DHRSX: variants seen among roughly 807,000 people sequenced by gnomAD.
DHRSX encodes polyprenol dehydrogenase.
Under a neutral mutation model 34.0 loss-of-function variants are expected in DHRSX, and 31 were observed. The observed-to-expected ratio is 0.91, with a 90% confidence interval of 0.69 to 1.23. DHRSX has a LOEUF of 1.23. Among genes scored for constraint, DHRSX ranks in the 50% most tolerant of loss-of-function variants. The probability of loss-of-function intolerance (pLI) is 0.00; values close to 1 mark genes in which losing one functional copy is unlikely to be tolerated. For missense variants in DHRSX, 414 were observed against 428.1 expected, an observed-to-expected ratio of 0.97 and a Z score of 0.29; for synonymous variants, 201 against 183.8, an observed-to-expected ratio of 1.09 and a Z score of -0.76.
rs183822727 is a variant in DHRSX, at chrX:2,498,907, C to G, written c.109+1910G>C. The stretch of plus-strand genomic sequence containing the variant: ...ACATGCTCTCCTGCCCTCCGAAAGC[C>G]TGACTACAGTTCCCTTTACTCTCCT... On this transcript the variant is annotated intron_variant, in intron 1 of 6. Transcript: ENST00000334651. 3.3e-3 allele frequency among the ~76,000 whole-genome samples: 505 copies of G among 152,304 alleles called. 13 individuals are homozygous for G. The highest frequency in any genetic ancestry group is 6.0e-4 in the Non-Finnish European group (41 of 68,032).
intron 3 of DHRSX, among the ~76,000 whole-genome samples, chrX:2,401,953 A>T (rs1006656997): frequency 1.3e-5 from 2 of 152,172 alleles, no homozygotes; most frequent in Non-Finnish European, 2.9e-5. Context: ...GTGGGCACGT[A>T]GCTTCCCATG....
intron 1 of DHRSX, among the ~76,000 whole-genome samples, chrX:2,497,786 T>A (rs1477733513): frequency 6.6e-6 from 1 of 152,216 alleles, no homozygotes; most frequent in Non-Finnish European, 1.5e-5. Context: ...TCTAAACAGA[T>A]CACCCTGTTA....
intron 1 of DHRSX, chrX:2,486,634 G>A (rs1207977279): frequency 1.3e-5 from 2 of 152,218 alleles, no homozygotes; most frequent in African/African-American, 2.4e-5. Context: ...TGGAGCCCAC[G>A]GAGGCGTGGG....
At chrX:2,224,376 A>C (rs137882938) in intron 6 of DHRSX, among the ~76,000 whole-genome samples, 2,903 of 152,254 alleles carry the variant, frequency 0.019, 89 homozygotes, top group African/African-American at 0.065. Context: ...TTTCTACCAT[A>C]TTTTGAAAAA....
chrX:2,411,284 C>T (rs1455254351), intron 2 of DHRSX, among the ~76,000 whole-genome samples: 1 of 152,022 alleles, frequency 6.6e-6, no homozygotes, highest in African/African-American at 2.4e-5. Flanking sequence ...TGGCTCATGC[C>T]TGTAATCTCA....
chrX:2,255,939 A>T (rs888635821), intron 5 of DHRSX, among the ~76,000 whole-genome samples: 1 of 152,006 alleles, frequency 6.6e-6, no homozygotes. Context: ...AATAAAATAA[A>T]ACAAAACAAA....
At chrX:2,458,054 A>G (rs1484056751) in intron 1 of DHRSX, among the ~76,000 whole-genome samples, 4 of 151,576 alleles carry the variant, frequency 2.6e-5, no homozygotes, top group Non-Finnish European at 4.4e-5. Flanking sequence ...CACTAAAGAC[A>G]TTCCCGAAGA....
intron 3 of DHRSX, among the ~76,000 whole-genome samples, chrX:2,294,174 T>TGA (rs367598824): frequency 2.1e-5 from 3 of 142,424 alleles, no homozygotes; most frequent in South Asian, 2.3e-4. Flanking sequence ...AGAGACACAG[T>TGA]GAGAGAGAGA....
chrX:2,379,603 T>TTTG (rs2043180826), intron 3 of DHRSX, among the ~76,000 whole-genome samples: 1 of 149,260 alleles, frequency 6.7e-6, no homozygotes, highest in Non-Finnish European at 1.5e-5. Context: ...AGGTTTTTTT[T>TTTG]TTTTTTTTTT....
intron 5 of DHRSX, among the ~76,000 whole-genome samples, chrX:2,243,802 T>G (rs1297654571): frequency 2.0e-5 from 2 of 99,940 alleles, no homozygotes; most frequent in Admixed American, 1.2e-4. Flanking sequence ...TTTTTTTTTT[T>G]TTTTTTTTTT....
At chrX:2,229,480 T>C (rs967959730) in intron 6 of DHRSX, among the ~76,000 whole-genome samples, 5 of 152,172 alleles carry the variant, frequency 3.3e-5, no homozygotes, top group Middle Eastern at 6.8e-3. Context: ...CCTTCTGGAA[T>C]GTTCTGGAAA....
chrX:2,228,478 A>G lies in DHRSX; in HGVS notation c.805-7249T>C, dbSNP rs186590502. ...GGAGGGAGGGAGGGAGGGAGGGAGG[A>G]AGGAAGGAAGGAAGGGAGGAAGGAA... is the stretch of plus-strand genomic sequence containing the variant. On this transcript the variant is annotated intron_variant, in intron 6 of 6. Transcript: ENST00000334651. Among the ~76,000 whole-genome samples, 492 of 68,646 alleles carry G rather than the reference A, an allele frequency of 7.2e-3. 16 individuals are homozygous for G. Among genetic ancestry groups the G allele is most frequent in the African/African-American group, 0.022 (199 of 9,126 alleles). 45.0% of individuals were successfully genotyped at this position (68,646 alleles called of 152,430 possible).
intron 1 of DHRSX, chrX:2,486,488 G>A (rs149345567): frequency 6.6e-6 from 1 of 152,318 alleles, no homozygotes; most frequent in African/African-American, 2.4e-5. Context: ...TTAAATAAGG[G>A]GCAACCGTTC....
intron 1 of DHRSX, among the ~76,000 whole-genome samples, chrX:2,443,225 G>T (rs1346654552): frequency 6.6e-6 from 1 of 151,734 alleles, no homozygotes; most frequent in East Asian, 1.9e-4. Context: ...ATAGACGGGG[G>T]TCTCACTGCG....
intron 1 of DHRSX, among the ~76,000 whole-genome samples, chrX:2,494,794 A>G (rs1450063321): frequency 6.6e-6 from 1 of 152,020 alleles, no homozygotes; most frequent in Non-Finnish European, 1.5e-5. Flanking sequence ...AAGAGGTCCC[A>G]GTACCTAGAA....
At chrX:2,454,449 C>T (rs1044590775) in intron 1 of DHRSX, among the ~76,000 whole-genome samples, 2 of 151,744 alleles carry the variant, frequency 1.3e-5, no homozygotes, top group African/African-American at 4.8e-5. Context: ...ATTGCTTCAA[C>T]CCGGGAGATG....
chrX:2,356,976 GC>G (rs1276389380), intron 3 of DHRSX, among the ~76,000 whole-genome samples: 2 of 152,138 alleles, frequency 1.3e-5, no homozygotes, highest in African/African-American at 4.8e-5. Context: ...AGGCGTAGGG[GC>G]TCACATCTGT....
At chrX:2,357,109 T>A (rs1273037109) in intron 3 of DHRSX, among the ~76,000 whole-genome samples, 1 of 152,090 alleles carries the variant, frequency 6.6e-6, no homozygotes, top group East Asian at 1.9e-4. Context: ...CCAGGCATGG[T>A]GGCGTGCGCC....
chrX:2,368,099 CG>C (rs1364181731), intron 3 of DHRSX, among the ~76,000 whole-genome samples: 5 of 151,680 alleles, frequency 3.3e-5, no homozygotes, highest in Admixed American at 2.6e-4. Flanking sequence ...AAAAATTAGC[CG>C]GGCGTGGTGC....
Sources: gnomAD v4.1 joint callset for allele counts (sites outside exome capture counted in the v4.1 genomes callset) on GRCh38, gnomAD v4.1.1 for gene constraint, MANE v1.5 for transcripts, NCBI Gene and HGNC (gene_info 2026-07-23, HGNC 2026-07-21) for gene names.